RBMS3: variants seen among roughly 807,000 people sequenced by gnomAD.
RBMS3 encodes the protein RNA-binding motif, single-stranded-interacting protein 3.
RBMS3 carries 27 observed loss-of-function variants against 66.8 expected under a neutral mutation model. The ratio of observed to expected loss-of-function variants is 0.40; its 90% CI spans 0.30 to 0.56. The LOEUF is 0.56. Ranked by LOEUF, RBMS3 falls within the 20% of genes least tolerant of loss-of-function variation. RBMS3 has a pLI of 0.40. For missense variants in RBMS3, 513 were observed against 549.5 expected, an observed-to-expected ratio of 0.93 and a Z score of 0.66; for synonymous variants, 188 against 183.0, an observed-to-expected ratio of 1.03 and a Z score of -0.22.
chr3:29,698,584 G>A, intron 4 of RBMS3: 1 of 985,352 alleles, frequency 1.0e-6, no homozygotes, highest in Non-Finnish European at 1.2e-6. Context: ...AGCATGAAGA[G>A]AATTTGGGCA....
intron 1 of RBMS3, among the ~76,000 whole-genome samples, chr3:29,425,497 G>C (rs903582551): frequency 5.9e-5 from 9 of 151,964 alleles, no homozygotes; most frequent in African/African-American, 2.2e-4. Context: ...AATTAGCCGG[G>C]TGTGGTGGAC....
At chr3:29,574,746 G>C (rs2047059773) in intron 3 of RBMS3, among the ~76,000 whole-genome samples, 1 of 150,364 alleles carries the variant, frequency 6.7e-6, no homozygotes, top group Admixed American at 6.6e-5. Flanking sequence ...TTTTTGATTT[G>C]AGGTTACAGT....
intron 4 of RBMS3, among the ~76,000 whole-genome samples, chr3:29,664,237 C>T (rs2050666477): frequency 6.6e-6 from 1 of 152,114 alleles, no homozygotes; most frequent in Non-Finnish European, 1.5e-5. Context: ...TGCTTGTAAT[C>T]CCAACACTTT....
At chr3:29,645,388 G>A (rs1391111088) in intron 4 of RBMS3, among the ~76,000 whole-genome samples, 1 of 152,202 alleles carries the variant, frequency 6.6e-6, no homozygotes, top group Non-Finnish European at 1.5e-5. Flanking sequence ...CTCTGCCAGG[G>A]TGTCTGGTGC....
At chr3:29,906,909 G>T (rs781084003) in intron 10 of RBMS3, among the ~76,000 whole-genome samples, 14 of 152,050 alleles carry the variant, frequency 9.2e-5, no homozygotes, top group Non-Finnish European at 4.4e-5. Flanking sequence ...TCAGTCAAAT[G>T]ACATCACACA....
intron 2 of RBMS3, among the ~76,000 whole-genome samples, chr3:29,479,215 G>A (rs1375238970): frequency 6.6e-6 from 1 of 151,918 alleles, no homozygotes; most frequent in African/African-American, 2.4e-5. Context: ...ATGTAGGCAT[G>A]AGAATTTGCA....
intron 1 of RBMS3, among the ~76,000 whole-genome samples, chr3:29,340,547 A>G (rs2036223489): frequency 6.6e-6 from 1 of 152,170 alleles, no homozygotes; most frequent in Non-Finnish European, 1.5e-5. Flanking sequence ...CATATTCTTT[A>G]TAGCGTCAGT....
At chr3:29,882,807 G>A (rs1474031560) in intron 7 of RBMS3, among the ~76,000 whole-genome samples, 3 of 151,894 alleles carry the variant, frequency 2.0e-5, no homozygotes, top group Non-Finnish European at 2.9e-5. Context: ...AAACAGGCAA[G>A]GTATTTTGTT....
chr3:29,423,952 T>A (rs138714270), intron 1 of RBMS3, among the ~76,000 whole-genome samples: 357 of 152,268 alleles, frequency 2.3e-3, no homozygotes, highest in African/African-American at 7.6e-3. Context: ...GTCTCAGTAT[T>A]CTCTTCTTCA....
chr3:29,446,906 C>CTTTTTTT (rs11293530), intron 2 of RBMS3, among the ~76,000 whole-genome samples: 7 of 68,612 alleles, frequency 1.0e-4, no homozygotes, highest in East Asian at 5.2e-4. Flanking sequence ...ATTAAGCAGT[C>CTTTTTTT]TTTTTTTTTT....
chr3:29,431,584 C>T (rs937707095), intron 1 of RBMS3, among the ~76,000 whole-genome samples: 12 of 152,100 alleles, frequency 7.9e-5, no homozygotes, highest in East Asian at 3.9e-4. Flanking sequence ...AGCCACCGCG[C>T]CCAGCCAAAA....
intron 6 of RBMS3, among the ~76,000 whole-genome samples, chr3:29,843,002 G>A (rs953325478): frequency 6.6e-6 from 1 of 152,120 alleles, no homozygotes; most frequent in African/African-American, 2.4e-5. Flanking sequence ...GTAGAAATTT[G>A]TTACAACAGC....
intron 3 of RBMS3, among the ~76,000 whole-genome samples, chr3:29,504,444 T>A (rs899165475): frequency 6.6e-6 from 1 of 152,114 alleles, no homozygotes; most frequent in Non-Finnish European, 1.5e-5. Flanking sequence ...CCTTTTTTTC[T>A]GTCTGATTTA....
At chr3:29,578,141 G>A (rs1244963399) in intron 3 of RBMS3, among the ~76,000 whole-genome samples, 2 of 152,172 alleles carry the variant, frequency 1.3e-5, no homozygotes, top group African/African-American at 4.8e-5. Context: ...ACCTCTGGGT[G>A]TCCCTAATAC....
At chr3:29,508,971 T>C (rs533164731) in intron 3 of RBMS3, among the ~76,000 whole-genome samples, 2 of 152,074 alleles carry the variant, frequency 1.3e-5, no homozygotes, top group South Asian at 2.1e-4. Context: ...CTTTTCTTCA[T>C]GTGTTTGTTG....
intron 6 of RBMS3, among the ~76,000 whole-genome samples, chr3:29,859,280 T>C (rs1290443961): frequency 6.6e-6 from 1 of 152,118 alleles, no homozygotes; most frequent in East Asian, 1.9e-4. Flanking sequence ...CGGTTTTAAT[T>C]CTAACCTGGC....
chr3:29,583,392 G>A (rs2047399273), intron 3 of RBMS3, among the ~76,000 whole-genome samples: 1 of 152,158 alleles, frequency 6.6e-6, no homozygotes, highest in Admixed American at 6.5e-5. Flanking sequence ...AGCATTATGT[G>A]TTCTTTATAG....
At chr3:29,975,371 A>T (rs1444772406) in intron 12 of RBMS3, among the ~76,000 whole-genome samples, 1 of 151,682 alleles carries the variant, frequency 6.6e-6, no homozygotes, top group Non-Finnish European at 1.5e-5. Flanking sequence ...TTAAACTCCC[A>T]CTAGCAGTAT....
At chr3:29,533,706 G>A (rs2148997555) in intron 3 of RBMS3, among the ~76,000 whole-genome samples, 1 of 152,256 alleles carries the variant, frequency 6.6e-6, no homozygotes, top group South Asian at 2.1e-4. Context: ...GAACTCGGGA[G>A]GTGGAGGTTG....
Sources: gnomAD v4.1 joint callset for allele counts (sites outside exome capture counted in the v4.1 genomes callset) on GRCh38, gnomAD v4.1.1 for gene constraint, MANE v1.5 for transcripts, NCBI Gene and HGNC (gene_info 2026-07-23, HGNC 2026-07-21) for gene names.